DOCK8: variants seen among roughly 807,000 people sequenced by gnomAD.
The protein encoded by DOCK8 is dedicator of cytokinesis 8.
In DOCK8, 141 loss-of-function variants were observed where a neutral mutation model predicts 245.6. That is an observed-to-expected ratio of 0.57 (90% CI 0.50 to 0.66). DOCK8 has a LOEUF of 0.66. DOCK8 is among the 30% of genes least tolerant of loss of function. The pLI is 0.00. For missense variants in DOCK8, 2,965 were observed against 2,603.4 expected, an observed-to-expected ratio of 1.14 and a Z score of -3.02; for synonymous variants, 1,168 against 970.2, an observed-to-expected ratio of 1.20 and a Z score of -3.79.
intron 4 of DOCK8, among the ~76,000 whole-genome samples, chr9:300,379 G>A: frequency 6.6e-6 from 1 of 151,966 alleles, no homozygotes; most frequent in Admixed American, 6.6e-5. Flanking sequence ...CCCTTTACCA[G>A]CTTGGTGGTT....
intron 28 of DOCK8, among the ~76,000 whole-genome samples, chr9:410,863 A>G (rs1271956790): frequency 2.0e-5 from 3 of 152,244 alleles, no homozygotes; most frequent in Non-Finnish European, 4.4e-5. Context: ...CTCAATTACT[A>G]AAATCATAAT....
chr9:273,200 C>T, intron 2 of DOCK8: 1 of 854,596 alleles, frequency 1.2e-6, no homozygotes, highest in Non-Finnish European at 1.4e-6. Flanking sequence ...GCATCTTTTA[C>T]TGCAGGAGGT....
In DOCK8 at chr9:429,624, ACATTTGCATATTT is replaced by A. The variant is rs375906930; in HGVS notation, c.4474-75_4474-63del. 5,040 of 1,561,004 alleles carry A rather than the reference ACATTTGCATATTT, an allele frequency of 3.2e-3. 184 individuals carry two copies. The Admixed American group carries it at 0.065, about 20-fold the overall frequency. Reference sequence around the variant, plus strand: ...CTAGGCTTTTTGCTTGTCCAAATGGACATTTGCATATTTCAACGGTCCAGAAAGTGTATCAAAC... The same window carrying A: ...CTAGGCTTTTTGCTTGTCCAAATGGACAACGGTCCAGAAAGTGTATCAAAC... On this transcript the variant is annotated intron_variant, in intron 35 of 47. Transcript: ENST00000432829.
upstream of DOCK8, chr9:214,173 T>G: frequency 3.1e-6 from 1 of 320,834 alleles, no homozygotes; most frequent in Non-Finnish European, 5.8e-6. Context: ...GACTTTTCTG[T>G]TTTTATCTTG....
intron 2 of DOCK8, among the ~76,000 whole-genome samples, chr9:278,317 G>A (rs928967536): frequency 2.0e-5 from 3 of 152,184 alleles, no homozygotes; most frequent in African/African-American, 4.8e-5. Flanking sequence ...ACAGAACTTC[G>A]ATATCACAGA....
chr9:395,205 A>G (rs996982240), intron 24 of DOCK8, among the ~76,000 whole-genome samples: 1 of 152,090 alleles, frequency 6.6e-6, no homozygotes, highest in Non-Finnish European at 1.5e-5. Flanking sequence ...ACCAAAGAGG[A>G]TGCCGCCATG....
At position 461,103 on chromosome 9, in the gene DOCK8, C is replaced by T. The variant is rs1337167619; in HGVS notation, c.6069-2414C>T. On this transcript the variant is annotated intron_variant, in intron 46 of 47. Coordinates refer to ENST00000432829, the MANE Select transcript of DOCK8 (RefSeq NM_203447.4). ...CGTGATTTTCTTCTTTGGTGTGTAC[C>T]GTACCGTGCAGGAGACAGGGAAAAC... 3.9e-5 allele frequency among the ~76,000 whole-genome samples: 6 copies of T among 152,136 alleles called. No individual in the cohort carries two copies. In the South Asian group the frequency reaches 1.0e-3, roughly 26 times the overall value.
chr9:356,529 C>CAA (rs71482278), intron 14 of DOCK8, among the ~76,000 whole-genome samples: 2,917 of 129,952 alleles, frequency 0.022, 65 homozygotes, highest in African/African-American at 0.056. Context: ...GACTCTGTCT[C>CAA]AAAAAAAAAA....
chr9:460,072 T>C (rs10758625), intron 46 of DOCK8: 87,335 of 152,076 alleles, frequency 0.57, 26,019 homozygotes, highest in Non-Finnish European at 0.68. Context: ...AAGCATCTGT[T>C]TGCCTTATTA....
chr9:441,199 C>T, intron 40 of DOCK8, 87 bp from the exon 41 acceptor site: 5 of 1,557,846 alleles, frequency 3.2e-6, no homozygotes, highest in Non-Finnish European at 3.5e-6. Context: ...CACTCTCCAG[C>T]ACATTGTTTG....
At chr9:350,943 A>C (rs2052137709) in intron 14 of DOCK8, among the ~76,000 whole-genome samples, 1 of 152,152 alleles carries the variant, frequency 6.6e-6, no homozygotes, top group Admixed American at 6.5e-5. Context: ...TTCTCCCATC[A>C]GGACAAAAAT....
At position 422,813 on chromosome 9, in the gene DOCK8, C is replaced by T. The variant is rs189528139; in HGVS notation, c.4241+678C>T. Reference sequence around the variant, plus strand: ...TAGCCTGGCCAACATGGTGAAACCCCGTCTCTACAAAAAATAGAAAAATTA... The same window carrying T: ...TAGCCTGGCCAACATGGTGAAACCCTGTCTCTACAAAAAATAGAAAAATTA... On this transcript the variant is annotated intron_variant, in intron 33 of 47. Transcript: ENST00000432829. Among the ~76,000 whole-genome samples, 68 of 152,014 alleles carry T rather than the reference C, an allele frequency of 4.5e-4. No individual in the cohort carries two copies. The Middle Eastern group carries it at 0.014, about 30-fold the overall frequency.
At chr9:451,969 ATATATATATTTTTTTT>A (rs1211999111) in intron 45 of DOCK8, 26 bp from the exon 46 acceptor site, 5 of 397,164 alleles carry the variant, frequency 1.3e-5, no homozygotes, top group African/African-American at 8.7e-5. Flanking sequence ...ATATATATAT[ATATATATATTTTTTTT>A]TTTTTTTTTT....
chr9:403,936 A>ATATATATG (rs1166433928), intron 26 of DOCK8, among the ~76,000 whole-genome samples: 1 of 83,946 alleles, frequency 1.2e-5, no homozygotes, highest in Non-Finnish European at 2.0e-5. Context: ...ATATGTGTAT[A>ATATATATG]TATATATGTG....
chr9:343,105 C>T (rs2051691668), intron 14 of DOCK8, among the ~76,000 whole-genome samples: 2 of 152,268 alleles, frequency 1.3e-5, no homozygotes, highest in South Asian at 4.1e-4. Context: ...ATGCAAAGAA[C>T]TTCAGAGCTC....
At chr9:328,835 T>G (rs2050877058) in intron 9 of DOCK8, among the ~76,000 whole-genome samples, 1 of 152,018 alleles carries the variant, frequency 6.6e-6, no homozygotes, top group Non-Finnish European at 1.5e-5. Context: ...TCTTTGCTGT[T>G]GTAAGAAAAC....
Position 214,974 on chromosome 9 carries a change from G to T in DOCK8, c.-3G>T. The T allele has an allele frequency of 6.2e-7, 1 of 1,601,570 alleles. No individual in the cohort carries two copies. Among genetic ancestry groups the T allele is most frequent in the Non-Finnish European group, 8.5e-7 (1 of 1,176,640 alleles). On this transcript the variant is annotated 5_prime_UTR_variant, in exon 1 of 48. Transcript: ENST00000432829. ...CTAGAAGCCACCGAACCGCCGGCGG[G>T]CCATGGCCACTCTGCCGAGCGCAGA... is the stretch of plus-strand genomic sequence containing the variant.
chr9:266,100 C>G (rs1365524581), intron 1 of DOCK8, among the ~76,000 whole-genome samples: 1 of 152,142 alleles, frequency 6.6e-6, no homozygotes, highest in Admixed American at 6.5e-5. Context: ...GCATTGTCTT[C>G]TCCATTAGAA....
intron 43 of DOCK8, among the ~76,000 whole-genome samples, chr9:445,982 T>C (rs75871929): frequency 0.076 from 11,529 of 152,336 alleles, 579 homozygotes; most frequent in South Asian, 0.18. Flanking sequence ...ATTGTTAGTT[T>C]TCTTTAGTTC....
Sources: gnomAD v4.1 joint callset for allele counts (sites outside exome capture counted in the v4.1 genomes callset) on GRCh38, gnomAD v4.1.1 for gene constraint, MANE v1.5 for transcripts, NCBI Gene and HGNC (gene_info 2026-07-23, HGNC 2026-07-21) for gene names.